The following GBE1 variants were observed in gnomAD, a reference collection of about 807,000 sequenced individuals.
The protein encoded by GBE1 is 1,4-alpha-glucan-branching enzyme.
A neutral mutation model predicts 88.8 loss-of-function variants in GBE1; 70 were observed. That is an observed-to-expected ratio of 0.79 (90% CI 0.65 to 0.96). The LOEUF is 0.96. Ranked by LOEUF, GBE1 falls within the 40% of genes least tolerant of loss-of-function variation. The pLI is 0.00. For synonymous variants in GBE1, 284 were observed against 300.1 expected (o/e 0.95, Z 0.56); for missense variants, 872 against 871.0 (o/e 1.00, Z -0.01).
chr3:81,525,021 G>A (rs962272413), intron 14 of GBE1, among the ~76,000 whole-genome samples: 3 of 151,688 alleles, frequency 2.0e-5, no homozygotes, highest in Non-Finnish European at 4.4e-5. Flanking sequence ...ATTGGTATAC[G>A]GCCATTCAGG....
chr3:81,496,894 C>T (rs1349573609), intron 15 of GBE1, among the ~76,000 whole-genome samples: 1 of 152,148 alleles, frequency 6.6e-6, no homozygotes, highest in Non-Finnish European at 1.5e-5. Context: ...CTGTAGTCAT[C>T]CAAAACAAGA....
At chr3:81,559,055 A>G (rs1195637469) in intron 12 of GBE1, among the ~76,000 whole-genome samples, 1 of 152,106 alleles carries the variant, frequency 6.6e-6, no homozygotes, top group Non-Finnish European at 1.5e-5. Flanking sequence ...TGGCAGTCAT[A>G]GAAAATTTTT....
chr3:81,678,696 C>T (rs17019176), intron 2 of GBE1, among the ~76,000 whole-genome samples: 12,909 of 152,038 alleles, frequency 0.085, 1,134 homozygotes, highest in African/African-American at 0.22. Flanking sequence ...GATTAGTAGT[C>T]TTCCAGGATT....
At chr3:81,629,335 A>G (rs1011209783) in intron 7 of GBE1, among the ~76,000 whole-genome samples, 1 of 151,406 alleles carries the variant, frequency 6.6e-6, no homozygotes, top group African/African-American at 2.4e-5. Context: ...AATTTCATCC[A>G]TGTCCCTACA....
At position 81,656,648 on chromosome 3, in the gene GBE1, C is replaced by A. The variant is rs1414219722; in HGVS notation, c.430-6727G>T. On this transcript the variant is annotated intron_variant, in intron 3 of 15. Transcript: ENST00000429644. ...TAAACTTAGTTGAAATTTGTCAGTA[C>A]TGGAAAGAGTTTAAAGATATAAGTT... 3.3e-5 allele frequency among the ~76,000 whole-genome samples: 5 copies of A among 152,204 alleles called. No individual in the cohort carries two copies. In the East Asian group the frequency reaches 9.6e-4, roughly 29 times the overall value.
At chr3:81,642,090 G>T (rs1333396396) in intron 7 of GBE1, among the ~76,000 whole-genome samples, 1 of 150,946 alleles carries the variant, frequency 6.6e-6, no homozygotes, top group African/African-American at 2.4e-5. Context: ...TTTAATTTTT[G>T]CCATATGCTA....
intron 7 of GBE1, among the ~76,000 whole-genome samples, chr3:81,625,386 A>T (rs982487789): frequency 6.6e-6 from 1 of 152,074 alleles, no homozygotes; most frequent in African/African-American, 2.4e-5. Flanking sequence ...CATAGAGACA[A>T]CTATTCCCTT....
chr3:81,709,961 AG>A (rs1705834830), intron 1 of GBE1, among the ~76,000 whole-genome samples: 1 of 152,196 alleles, frequency 6.6e-6, no homozygotes, highest in East Asian at 1.9e-4. Context: ...AAACTACTAC[AG>A]GAACTAGCAT....
chr3:81,750,659 GTATATATATATATACGTATATATATATA>G, intron 1 of GBE1, among the ~76,000 whole-genome samples: 1 of 35,294 alleles, frequency 2.8e-5, no homozygotes, highest in Non-Finnish European at 4.2e-5. Context: ...ATATATATAT[GTATATATATATATACGTATATATATATA>G]TATATATGTA....
intron 2 of GBE1, among the ~76,000 whole-genome samples, chr3:81,677,141 A>C (rs1211024746): frequency 2.2e-4 from 34 of 152,130 alleles, no homozygotes; most frequent in Admixed American, 2.2e-3. Flanking sequence ...AGTTTAATAT[A>C]AATTTTCCTT....
At chr3:81,591,939 T>C (rs188186927) in intron 8 of GBE1, among the ~76,000 whole-genome samples, 53 of 152,274 alleles carry the variant, frequency 3.5e-4, no homozygotes, top group African/African-American at 1.3e-3. Flanking sequence ...TCTTTCATGT[T>C]TATATTTCAG....
intron 1 of GBE1, among the ~76,000 whole-genome samples, chr3:81,724,233 T>C (rs1435390574): frequency 5.9e-5 from 9 of 152,218 alleles, no homozygotes. Flanking sequence ...TATATGTTTA[T>C]CTTTAAAATA....
At chr3:81,543,623 T>G (rs1033500829) in intron 12 of GBE1, among the ~76,000 whole-genome samples, 5 of 152,116 alleles carry the variant, frequency 3.3e-5, no homozygotes, top group Admixed American at 2.6e-4. Flanking sequence ...AATGTCCTTC[T>G]CAGCTATGGG....
intron 12 of GBE1, 56 bp from the exon 13 acceptor site, chr3:81,537,151 A>C (rs1236644986): frequency 9.8e-7 from 1 of 1,022,138 alleles, no homozygotes; most frequent in African/African-American, 1.7e-5. Context: ...TTTCTTACTA[A>C]TAATAAATCA....
At chr3:81,710,607 A>C (rs1001811228) in intron 1 of GBE1, among the ~76,000 whole-genome samples, 1 of 152,046 alleles carries the variant, frequency 6.6e-6, no homozygotes, top group African/African-American at 2.4e-5. Context: ...TAACATGTTA[A>C]TTGGGGGCTC....
chr3:81,548,207 G>A (rs1277655526), intron 12 of GBE1, among the ~76,000 whole-genome samples: 1 of 151,394 alleles, frequency 6.6e-6, no homozygotes, highest in Non-Finnish European at 1.5e-5. Context: ...AGCACTAATC[G>A]ACACTTTAAC....
chr3:81,494,888 T>G lies in GBE1; in HGVS notation c.2052+4222A>C, dbSNP rs575408145. On this transcript the variant is annotated intron_variant, in intron 15 of 15. Transcript: ENST00000429644. ...TCATTCAGGCAAAATGTTATTTTCC[T>G]CTAGGACTGTATTTTCCTCTAGGAC... Among the ~76,000 whole-genome samples, 8 of 149,100 alleles carry G rather than the reference T, an allele frequency of 5.4e-5. No homozygotes were observed. The South Asian group carries it at 1.7e-3, about 31-fold the overall frequency.
rs2107059770 is a variant in GBE1 at position 81,642,948 on chromosome 3, T to A, written c.825A>T (p.Thr275=). The A allele has an allele frequency of 6.2e-7, 1 of 1,612,946 alleles. No individual in the cohort carries two copies. The highest frequency in any genetic ancestry group is 8.5e-7 in the Non-Finnish European group (1 of 1,179,294). The change falls in exon 7 of 16, where the codon ACA becomes ACT. Residue 275 remains threonine, a synonymous_variant. Transcript: ENST00000429644. ...GGACTATGATACCCATGGAATGAGC[T>A]GTGTCTACCAGTTCTTGTAGCTCTT... ...TPEELQELVD[T]AHSMGIIVLL...
chr3:81,670,253 CG>C (rs1705171276), intron 3 of GBE1, among the ~76,000 whole-genome samples: 1 of 152,124 alleles, frequency 6.6e-6, no homozygotes. Flanking sequence ...ACATGGTCAA[CG>C]AAAGCAGAGG....
Sources: allele counts gnomAD v4.1 joint callset (sites outside exome capture counted in the v4.1 genomes callset), GRCh38; gene constraint gnomAD v4.1.1; transcripts MANE v1.5; gene names NCBI Gene and HGNC (gene_info 2026-07-23, HGNC 2026-07-21).